The following TRPM2 variants were observed in gnomAD, a reference collection of about 807,000 sequenced individuals.
The protein encoded by TRPM2 is estrogen-responsive element-associated gene 1 protein.
TRPM2 carries 161 observed loss-of-function variants against 174.0 expected under a neutral mutation model. The observed-to-expected ratio is 0.93, with a 90% CI of 0.81 to 1.05. The LOEUF (loss-of-function observed/expected upper bound fraction) is 1.05. TRPM2 is among the 50% of genes least tolerant of loss of function. The probability of loss-of-function intolerance (pLI) is 0.00; values close to 1 mark genes in which losing one functional copy is unlikely to be tolerated. For missense variants in TRPM2, 2,057 were observed against 2,038.0 expected (o/e 1.01, Z -0.18); for synonymous variants, 954 against 861.3 (o/e 1.11, Z -1.88).
intron 27 of TRPM2, among the ~76,000 whole-genome samples, chr21:44,428,261 T>C (rs538642985): frequency 6.6e-6 from 1 of 152,168 alleles, no homozygotes; most frequent in Non-Finnish European, 1.5e-5. Context: ...TTAATACAGC[T>C]GAAGGCTGAT....
chr21:44,377,811 C>T lies in TRPM2; in HGVS notation c.1014+38C>T, dbSNP rs186519532. On this transcript the variant is annotated intron_variant, in intron 7 of 31. Coordinates refer to ENST00000397928, the MANE Select transcript of TRPM2 (RefSeq NM_003307.4). ...AGGTGGGAGGGGGCATGTGTGGGCC[C>T]GTCCTGCTGCAGGCAGATGACTGTC... is the stretch of plus-strand genomic sequence containing the variant. The T allele has an allele frequency of 2.8e-4, 447 of 1,610,390 alleles. 2 individuals carry two copies. Among genetic ancestry groups the T allele is most frequent in the Non-Finnish European group, 1.6e-4 (187 of 1,177,766 alleles).
chr21:44,406,169 C>A, intron 18 of TRPM2, 132 bp downstream of exon 18: 4 of 1,191,242 alleles, frequency 3.4e-6, no homozygotes, highest in Non-Finnish European at 4.7e-6. Context: ...TGCTTTGCCC[C>A]TTGGGCTCCC....
chr21:44,405,711 G>A (rs939950775), intron 17 of TRPM2, among the ~76,000 whole-genome samples, 194 bp from the exon 18 acceptor site: 14 of 152,164 alleles, frequency 9.2e-5, no homozygotes, highest in African/African-American at 3.4e-4. Flanking sequence ...GTGGGGCTGG[G>A]CGTCTGAAGA....
chr21:44,353,407 C>T (rs1023853747), upstream of TRPM2: 31 of 264,758 alleles, frequency 1.2e-4, no homozygotes, highest in African/African-American at 4.9e-4. Context: ...CCATTATGAA[C>T]GGCCGCTGGG....
chr21:44,424,967 G>C (rs747572605), intron 24 of TRPM2, 28 bp downstream of exon 24: 1 of 1,569,046 alleles, frequency 6.4e-7, no homozygotes, highest in Non-Finnish European at 8.6e-7. Context: ...CCAGCAGCTG[G>C]TCTCCAGCCG....
rs2050807784 is a variant in TRPM2 at position 44,426,887 on chromosome 21, G to A, written c.3873-123G>A. On this transcript the variant is annotated intron_variant, in intron 26 of 31. Transcript: ENST00000397928. ...GGCCTGAAGGGGCCCAGCTCCTACT[G>A]TTGTGTACACCCAGCCTGCAGCTAC... 3.6e-5 allele frequency: 48 copies of A among 1,331,432 alleles called. 2 individuals carry two copies. The South Asian group carries it at 6.0e-4, about 17-fold the overall frequency. 82.5% of individuals were successfully genotyped at this position (1,331,432 alleles called of 1,614,324 possible). A position where few individuals can be genotyped will look rare whatever the true frequency, so the allele number is the denominator to read the frequency against.
chr21:44,426,057 A>G (rs2050758958), intron 25 of TRPM2, among the ~76,000 whole-genome samples: 1 of 152,136 alleles, frequency 6.6e-6, no homozygotes, highest in Non-Finnish European at 1.5e-5. Flanking sequence ...AGGGGGGCAC[A>G]CTGATCCCCA....
rs1375608418 is a variant in TRPM2, at chr21:44,406,628, C to T, written c.2825C>T (p.Ala942Val). ...KDVFFFLFLL[A>V]VWVVSFGVAK... The stretch of plus-strand genomic sequence containing the variant: ...GTCTTCTTCTTCCTCTTCCTGCTGG[C>T]TGTGTGGGTGGTGTCCTTCGGGGTG... Residue 942 changes from alanine to valine, a missense_variant, in exon 19 of 32, where the codon GCT becomes GTT. Physicochemically the swap from Ala to Val is moderately conservative, Grantham distance 64. Transcript: ENST00000397928. 1 of 1,610,762 alleles carries T rather than the reference C, an allele frequency of 6.2e-7. No homozygotes were observed. The highest frequency in any genetic ancestry group is 8.5e-7 in the Non-Finnish European group (1 of 1,179,438).
At chr21:44,380,582 C>T (rs1005886150) in intron 8 of TRPM2, among the ~76,000 whole-genome samples, 21 of 152,238 alleles carry the variant, frequency 1.4e-4, no homozygotes, top group Middle Eastern at 3.2e-3. Context: ...AGCAGGGGCT[C>T]GGCATTCGCT....
chr21:44,359,487 G>A (rs1033098874), intron 2 of TRPM2, among the ~76,000 whole-genome samples: 2 of 151,320 alleles, frequency 1.3e-5, no homozygotes, highest in African/African-American at 4.9e-5. Flanking sequence ...AAACATCCGA[G>A]ATCACACAGT....
intron 29 of TRPM2, among the ~76,000 whole-genome samples, chr21:44,437,586 TAGGGGCAGGTACAGGAGTAGGGGC>T (rs1182077302): frequency 6.6e-6 from 1 of 151,718 alleles, no homozygotes; most frequent in African/African-American, 2.4e-5. Flanking sequence ...CATCCAGGGG[TAGGGGCAGGTACAGGAGTAGGGGC>T]AGGGGCAGCG....
At chr21:44,404,793 T>C (rs564679777) in intron 16 of TRPM2, among the ~76,000 whole-genome samples, 211 of 146,982 alleles carry the variant, frequency 1.4e-3, no homozygotes, top group Non-Finnish European at 2.6e-3. Context: ...TGATAGTGGA[T>C]AGTGATATGA....
intron 22 of TRPM2, chr21:44,423,429 G>A (rs367659893): frequency 1.3e-5 from 7 of 537,148 alleles, no homozygotes; most frequent in Admixed American, 3.0e-5. Context: ...TGTGAGCCTC[G>A]GCTGTCCGTC....
intron 2 of TRPM2, among the ~76,000 whole-genome samples, chr21:44,363,495 C>T (rs1193792806): frequency 6.6e-6 from 1 of 152,034 alleles, no homozygotes; most frequent in East Asian, 1.9e-4. Context: ...ATTTCAGTTA[C>T]TGCATTTTTC....
At chr21:44,431,991 C>T (rs1345220943) in intron 27 of TRPM2, among the ~76,000 whole-genome samples, 2 of 152,188 alleles carry the variant, frequency 1.3e-5, no homozygotes, top group African/African-American at 2.4e-5. Context: ...CTAACCTTAA[C>T]CCTAACCCTC....
intron 9 of TRPM2, among the ~76,000 whole-genome samples, chr21:44,386,729 T>TG (rs1235471870): frequency 6.6e-6 from 1 of 151,802 alleles, no homozygotes; most frequent in African/African-American, 2.4e-5. Flanking sequence ...TTTTTTTTTT[T>TG]GCAGAAATAG....
chr21:44,419,894 G>C (rs2050486104), intron 22 of TRPM2, among the ~76,000 whole-genome samples: 1 of 92,038 alleles, frequency 1.1e-5, no homozygotes, highest in Non-Finnish European at 2.4e-5. Flanking sequence ...GTGGTGGATG[G>C]TAATGGTGAT....
chr21:44,428,833 T>G (rs570078990), intron 27 of TRPM2, among the ~76,000 whole-genome samples: 1 of 149,306 alleles, frequency 6.7e-6, no homozygotes, highest in Non-Finnish European at 1.5e-5. Context: ...CTCCTCCCCT[T>G]ACGTCTGGCT....
At chr21:44,409,543 T>C (rs2847233) in intron 19 of TRPM2, among the ~76,000 whole-genome samples, 60,533 of 97,604 alleles carry the variant, frequency 0.62, 18,498 homozygotes, top group East Asian at 0.72. Context: ...GTTTTGATCG[T>C]GCTGTCTTGG....
Sources: gnomAD v4.1 joint callset for allele counts (sites outside exome capture counted in the v4.1 genomes callset) on GRCh38, gnomAD v4.1.1 for gene constraint, MANE v1.5 for transcripts, NCBI Gene and HGNC (gene_info 2026-07-23, HGNC 2026-07-21) for gene names.